The following NRCAM variants were observed in gnomAD, a reference collection of about 807,000 sequenced individuals.
NRCAM encodes the protein NgCAM-related cell adhesion molecule.
Under a neutral mutation model 156.5 loss-of-function variants are expected in NRCAM, and 83 were observed. The observed-to-expected ratio is 0.53, with a 90% confidence interval of 0.44 to 0.64. The LOEUF is 0.64. Among genes scored for constraint, NRCAM ranks in the 30% least tolerant of loss-of-function variants. NRCAM has a pLI of 0.00. For synonymous variants in NRCAM, 538 were observed against 563.9 expected, an observed-to-expected ratio of 0.95 and a Z score of 0.65; for missense variants, 1,417 against 1,597.3, an observed-to-expected ratio of 0.89 and a Z score of 1.92.
chr7:108,197,890 A>G, intron 14 of NRCAM, 66 bp downstream of exon 14: 2 of 1,281,008 alleles, frequency 1.6e-6, no homozygotes, highest in Non-Finnish European at 2.1e-6. Flanking sequence ...ATTTTTGCTG[A>G]TTGAACAGAA....
Position 108,347,922 on chromosome 7 carries a change from T to C in NRCAM, c.-173-35191A>G, listed in dbSNP as rs370565951. Among the ~76,000 whole-genome samples, 4 of 152,096 alleles carry C rather than the reference T, an allele frequency of 2.6e-5. No homozygotes were observed. In the East Asian group the frequency reaches 5.8e-4, roughly 22 times the overall value. On this transcript the variant is annotated intron_variant, in intron 2 of 32. Coordinates refer to ENST00000379028, the MANE Select transcript of NRCAM (RefSeq NM_001037132.4). ...TTTATTTACTCTGCCTAAACCCGCCTCCTCTCCACCCCCATACTCTGTGCA... is the reference window on the plus strand; with the variant it reads ...TTTATTTACTCTGCCTAAACCCGCCCCCTCTCCACCCCCATACTCTGTGCA...
At chr7:108,426,295 T>C (rs1817193643) in intron 1 of NRCAM, among the ~76,000 whole-genome samples, 1 of 152,248 alleles carries the variant, frequency 6.6e-6, no homozygotes, top group Non-Finnish European at 1.5e-5. Context: ...AGATGTTACA[T>C]GGGGACAATA....
intron 11 of NRCAM, among the ~76,000 whole-genome samples, chr7:108,221,852 C>G (rs2092401039): frequency 6.6e-6 from 1 of 151,560 alleles, no homozygotes; most frequent in Admixed American, 6.6e-5. Context: ...CACCTGTACC[C>G]CAATAACCTA....
intron 2 of NRCAM, among the ~76,000 whole-genome samples, chr7:108,355,548 T>C (rs943015508): frequency 2.0e-5 from 3 of 152,190 alleles, no homozygotes; most frequent in African/African-American, 4.8e-5. Context: ...TCATCAACTA[T>C]GGTCTGAAAT....
At chr7:108,276,157 G>A (rs1049856893) in intron 3 of NRCAM, among the ~76,000 whole-genome samples, 11 of 152,112 alleles carry the variant, frequency 7.2e-5, no homozygotes, top group Admixed American at 1.3e-4. Context: ...TTCCAATTAC[G>A]TGGTCAATTT....
At chr7:108,156,311 C>T in intron 32 of NRCAM, 3 of 985,234 alleles carry the variant, frequency 3.0e-6, no homozygotes, top group South Asian at 4.7e-5. Context: ...GTTCAAGTAA[C>T]ATGGGCATAT....
chr7:108,430,258 T>C (rs1248522412), intron 1 of NRCAM, among the ~76,000 whole-genome samples: 3 of 152,140 alleles, frequency 2.0e-5, no homozygotes, highest in Non-Finnish European at 4.4e-5. Context: ...TGTTAGAGGA[T>C]CCTCTGTTTG....
intron 2 of NRCAM, among the ~76,000 whole-genome samples, chr7:108,342,677 C>A (rs2099303869): frequency 6.6e-6 from 1 of 152,200 alleles, no homozygotes; most frequent in Admixed American, 6.5e-5. Context: ...GTCCAAGGGA[C>A]AAGCCTGCAA....
Position 108,207,624 on chromosome 7 carries a change from C to A in NRCAM, c.1111G>T (p.Val371Leu), listed in dbSNP as rs145925806. ...PYWITAPQNL[V>L]LSPGEDGTLI... ...GTCCCATCCTCTCCTGGGGACAGCA[C>A]AAGATTTTGAGGGGCTGTGATCCAG... The change falls in exon 13 of 33, where the codon GTG becomes TTG. Residue 371 changes from valine (V) to leucine (L), a missense_variant. Physicochemically the swap from Val to Leu is conservative, Grantham distance 32. This residue lies in a region of NRCAM where 1,238 missense variants were observed against 1,336.4 expected (regional missense o/e 0.93). Transcript: ENST00000379028. 3.7e-5 allele frequency: 59 copies of A among 1,613,692 alleles called. No homozygotes were observed. In the African/African-American group the frequency reaches 6.5e-4, roughly 18 times the overall value.
At chr7:108,227,391 A>G (rs1029023537) in intron 8 of NRCAM, among the ~76,000 whole-genome samples, 2 of 152,232 alleles carry the variant, frequency 1.3e-5, no homozygotes, top group Non-Finnish European at 2.9e-5. Flanking sequence ...ATACACATAT[A>G]CATTGTGTAA....
intron 3 of NRCAM, among the ~76,000 whole-genome samples, chr7:108,287,252 C>T (rs1411854494): frequency 1.3e-5 from 2 of 151,948 alleles, no homozygotes; most frequent in East Asian, 3.9e-4. Flanking sequence ...AAAAACTCTT[C>T]CGAACATTGG....
intron 30 of NRCAM, among the ~76,000 whole-genome samples, chr7:108,161,003 G>A (rs139793005): frequency 1.5e-3 from 224 of 152,154 alleles, no homozygotes; most frequent in South Asian, 8.7e-3. Flanking sequence ...AAAAGAAAAC[G>A]GTCCACACAA....
At chr7:108,358,590 G>A (rs2284285) in intron 2 of NRCAM, among the ~76,000 whole-genome samples, 41,684 of 151,996 alleles carry the variant, frequency 0.27, 6,369 homozygotes, top group Middle Eastern at 0.37. Context: ...GACTGGTAAT[G>A]CACAGAGCTC....
chr7:108,299,836 T>G (rs2098552724), intron 3 of NRCAM, among the ~76,000 whole-genome samples: 1 of 152,208 alleles, frequency 6.6e-6, no homozygotes, highest in Non-Finnish European at 1.5e-5. Context: ...GTGAAGTACA[T>G]GAACTCTGGA....
At chr7:108,226,137 T>C (rs995784378) in intron 9 of NRCAM, 71 bp downstream of exon 9, 29 of 1,097,884 alleles carry the variant, frequency 2.6e-5, no homozygotes, top group Admixed American at 2.2e-4. Flanking sequence ...CAGTAGTATA[T>C]AATAGTTTCT....
intron 3 of NRCAM, among the ~76,000 whole-genome samples, chr7:108,278,488 G>C (rs1455898834): frequency 2.0e-5 from 3 of 152,218 alleles, no homozygotes; most frequent in Admixed American, 2.0e-4. Context: ...CCCGCACCAA[G>C]CTCCAGGGTC....
intron 3 of NRCAM, among the ~76,000 whole-genome samples, chr7:108,282,994 T>A (rs1387392930): frequency 9.9e-5 from 15 of 152,230 alleles, no homozygotes; most frequent in Non-Finnish European, 1.6e-4. Context: ...ATGATTCTAA[T>A]ATGCAGCCTA....
intron 3 of NRCAM, among the ~76,000 whole-genome samples, chr7:108,312,084 G>T (rs1030082882): frequency 6.6e-6 from 1 of 152,134 alleles, no homozygotes; most frequent in Non-Finnish European, 1.5e-5. Context: ...AGCTGATAAT[G>T]CTGAATGGCA....
chr7:108,173,758 T>C (rs187261241), intron 28 of NRCAM, among the ~76,000 whole-genome samples: 1 of 152,298 alleles, frequency 6.6e-6, no homozygotes, highest in African/African-American at 2.4e-5. Flanking sequence ...CACTCCATTT[T>C]TGCTTGTCTC....
Sources: allele counts gnomAD v4.1 joint callset (sites outside exome capture counted in the v4.1 genomes callset), GRCh38; gene constraint gnomAD v4.1.1; regional missense constraint gnomAD v4.1.1; transcripts MANE v1.5; gene names NCBI Gene and HGNC (gene_info 2026-07-23, HGNC 2026-07-21).